Variants in SGK3 observed in about 807,000 individuals in gnomAD.
SGK3 encodes serum/glucocorticoid regulated kinase family member 3.
Under a neutral mutation model 68.5 loss-of-function variants are expected in SGK3, and 47 were observed. The observed-to-expected ratio is 0.69, with a 90% confidence interval of 0.54 to 0.87. The LOEUF (loss-of-function observed/expected upper bound fraction) is 0.87. Ranked by LOEUF, SGK3 falls within the 40% of genes least tolerant of loss-of-function variation. The probability of loss-of-function intolerance (pLI) is 0.00; values close to 1 mark genes in which losing one functional copy is unlikely to be tolerated. For synonymous variants in SGK3, 181 were observed against 189.1 expected (o/e 0.96, Z 0.35); for missense variants, 479 against 575.5 (o/e 0.83, Z 1.72).
At chr8:66,768,542 G>C (rs1806400428) in intron 1 of SGK3, among the ~76,000 whole-genome samples, 1 of 151,664 alleles carries the variant, frequency 6.6e-6, no homozygotes, top group Non-Finnish European at 1.5e-5. Flanking sequence ...CATTATAGAT[G>C]TTGCTCCACT....
chr8:66,811,878 C>T (rs530919759), intron 4 of SGK3, among the ~76,000 whole-genome samples: 1 of 152,280 alleles, frequency 6.6e-6, no homozygotes, highest in South Asian at 2.1e-4. Context: ...TTAATGTAAA[C>T]TTCACATGTG....
intron 1 of SGK3, among the ~76,000 whole-genome samples, chr8:66,757,217 A>G (rs1806005944): frequency 6.7e-6 from 1 of 149,714 alleles, no homozygotes; most frequent in Admixed American, 6.7e-5. Flanking sequence ...CTGCAGCTTC[A>G]ACCTCCTTGG....
chr8:66,728,995 G>A (rs973809203), intron 1 of SGK3, among the ~76,000 whole-genome samples: 27 of 152,014 alleles, frequency 1.8e-4, no homozygotes, highest in African/African-American at 4.8e-4. Context: ...TGAGGCGGGC[G>A]GATCACAAGG....
chr8:66,720,505 C>T (rs1052545353), intron 1 of SGK3, among the ~76,000 whole-genome samples: 17 of 152,110 alleles, frequency 1.1e-4, no homozygotes, highest in African/African-American at 3.1e-4. Context: ...CGCAGTGGCT[C>T]ACGCCTGTAA....
chr8:66,756,929 GT>G (rs1325137361), intron 1 of SGK3, among the ~76,000 whole-genome samples: 4 of 151,950 alleles, frequency 2.6e-5, no homozygotes, highest in Non-Finnish European at 4.4e-5. Flanking sequence ...ATCTGGACAT[GT>G]AAGATTTATG....
intron 1 of SGK3, among the ~76,000 whole-genome samples, chr8:66,754,328 A>G (rs771379220): frequency 2.1e-4 from 32 of 152,220 alleles, no homozygotes; most frequent in Non-Finnish European, 3.8e-4. Flanking sequence ...ACTAAGGAAC[A>G]TTGCACCATT....
intron 16 of SGK3, among the ~76,000 whole-genome samples, chr8:66,853,838 C>G (rs1810396180): frequency 6.6e-6 from 1 of 152,188 alleles, no homozygotes; most frequent in South Asian, 2.1e-4. Flanking sequence ...TGGGCTAATA[C>G]AAACCATGAA....
chr8:66,807,383 A>G (rs1000690106), intron 4 of SGK3, among the ~76,000 whole-genome samples: 1 of 152,194 alleles, frequency 6.6e-6, no homozygotes, highest in African/African-American at 2.4e-5. Context: ...GCAAAGAAGT[A>G]AAAGACTGGC....
intron 1 of SGK3, among the ~76,000 whole-genome samples, chr8:66,758,852 A>T (rs1012825829): frequency 2.0e-5 from 3 of 151,994 alleles, no homozygotes; most frequent in African/African-American, 7.2e-5. Context: ...TTACATTAAC[A>T]TGCATTTGTC....
At chr8:66,844,542 T>C (rs1171880614) in intron 14 of SGK3, among the ~76,000 whole-genome samples, 1 of 152,228 alleles carries the variant, frequency 6.6e-6, no homozygotes, top group Non-Finnish European at 1.5e-5. Flanking sequence ...CAGATAGCTT[T>C]ATAAGAGTAC....
chr8:66,722,668 T>G (rs897174410), intron 1 of SGK3, among the ~76,000 whole-genome samples: 8 of 152,204 alleles, frequency 5.3e-5, no homozygotes, highest in African/African-American at 1.9e-4. Context: ...CTATTTAAAC[T>G]GGTACTGTAT....
chr8:66,769,563 T>C lies in SGK3; in HGVS notation c.-121-24053T>C, dbSNP rs867249361. 3.3e-5 allele frequency among the ~76,000 whole-genome samples: 5 copies of C among 152,336 alleles called. No homozygotes were observed. The Middle Eastern group carries it at 0.01, about 311-fold the overall frequency. On this transcript the variant is annotated intron_variant, in intron 1 of 16. Transcript: ENST00000521198. ...TGTCTATATTTTAGAAAGTTTCTACTGCAGTCTTCAAGTTTACTAATCTTT... is the reference window on the plus strand; with the variant it reads ...TGTCTATATTTTAGAAAGTTTCTACCGCAGTCTTCAAGTTTACTAATCTTT...
rs923685650 is a variant in SGK3, at chr8:66,831,161, A to G, written c.468-93A>G. 22 of 1,479,150 alleles carry G rather than the reference A, an allele frequency of 1.5e-5. No homozygotes were observed. The South Asian group carries it at 2.5e-4, about 17-fold the overall frequency. 91.6% of individuals were successfully genotyped at this position (1,479,150 alleles called of 1,614,324 possible). On this transcript the variant is annotated intron_variant, in intron 7 of 16. Coordinates refer to ENST00000521198, the MANE Select transcript of SGK3 (RefSeq NM_001033578.3). ...TAGGCTGAAGTGTTTTGTGCCTAACATTTATTTTTTAAAGAGGGAGGTGCT... is the reference window on the plus strand; with the variant it reads ...TAGGCTGAAGTGTTTTGTGCCTAACGTTTATTTTTTAAAGAGGGAGGTGCT...
intron 1 of SGK3, among the ~76,000 whole-genome samples, chr8:66,774,261 A>C (rs747159520): frequency 2.0e-5 from 3 of 152,132 alleles, no homozygotes; most frequent in Non-Finnish European, 4.4e-5. Context: ...TTTGTAATAA[A>C]GGTTACCGTA....
At chr8:66,728,231 G>A (rs1450913807) in intron 1 of SGK3, among the ~76,000 whole-genome samples, 1 of 152,000 alleles carries the variant, frequency 6.6e-6, no homozygotes, top group East Asian at 1.9e-4. Context: ...TTTAAAAAAT[G>A]TGATCATACA....
intron 4 of SGK3, among the ~76,000 whole-genome samples, chr8:66,811,664 T>C (rs1808387353): frequency 6.6e-6 from 1 of 152,214 alleles, no homozygotes; most frequent in Non-Finnish European, 1.5e-5. Context: ...GGGCTATAGC[T>C]CACTGAAGAA....
At chr8:66,754,611 A>G (rs1254846691) in intron 1 of SGK3, among the ~76,000 whole-genome samples, 1 of 152,272 alleles carries the variant, frequency 6.6e-6, no homozygotes, top group Non-Finnish European at 1.5e-5. Context: ...TATGTTTCAT[A>G]TACACCTTAT....
chr8:66,807,574 G>C (rs568839583), intron 4 of SGK3, among the ~76,000 whole-genome samples: 1 of 152,190 alleles, frequency 6.6e-6, no homozygotes, highest in Admixed American at 6.5e-5. Flanking sequence ...ATATTAGAAA[G>C]TCCTGCATTG....
rs1046044395 is a variant in SGK3, at chr8:66,766,438, G to A, written c.-121-27178G>A. On this transcript the variant is annotated intron_variant, in intron 1 of 16. Transcript: ENST00000521198. ...CTCGAGAGGCTGAAGCTGGAGAATT[G>A]CTTGAACCTAGGAGGCAGAGAGGTT... 2.0e-5 allele frequency among the ~76,000 whole-genome samples: 3 copies of A among 152,142 alleles called. No individual in the cohort carries two copies. The East Asian group carries it at 5.8e-4, about 29-fold the overall frequency.
Sources: gnomAD v4.1 joint callset for allele counts (sites outside exome capture counted in the v4.1 genomes callset) on GRCh38, gnomAD v4.1.1 for gene constraint, MANE v1.5 for transcripts, NCBI Gene and HGNC (gene_info 2026-07-23, HGNC 2026-07-21) for gene names.